Variants in LIMD1 observed in about 807,000 individuals in gnomAD.
LIMD1 encodes the protein LIM domain-containing protein 1.
Under a neutral mutation model 58.4 loss-of-function variants are expected in LIMD1, and 23 were observed. That is an observed-to-expected ratio of 0.39 (90% CI 0.28 to 0.56). LIMD1 has a LOEUF of 0.56. Ranked by LOEUF, LIMD1 falls within the 20% of genes least tolerant of loss-of-function variation. LIMD1 has a pLI of 0.57. For missense variants in LIMD1, 838 were observed against 855.5 expected, an observed-to-expected ratio of 0.98 and a Z score of 0.25; for synonymous variants, 334 against 345.5, an observed-to-expected ratio of 0.97 and a Z score of 0.37.
chr3:45,668,001 T>C (rs756316756), intron 3 of LIMD1, among the ~76,000 whole-genome samples: 1 of 152,174 alleles, frequency 6.6e-6, no homozygotes, highest in Non-Finnish European at 1.5e-5. Context: ...TGAGAACCAC[T>C]GAGATGGGAT....
At chr3:45,645,268 C>G (rs1701889300) in intron 2 of LIMD1, among the ~76,000 whole-genome samples, 1 of 152,226 alleles carries the variant, frequency 6.6e-6, no homozygotes, top group Non-Finnish European at 1.5e-5. Flanking sequence ...TGGGGCCAAA[C>G]CTGGTTTCCC....
intron 2 of LIMD1, among the ~76,000 whole-genome samples, chr3:45,662,102 T>C (rs1386638304): frequency 1.3e-5 from 2 of 152,230 alleles, no homozygotes; most frequent in Non-Finnish European, 2.9e-5. Flanking sequence ...TTTTATTTTA[T>C]AGTTATTGAT....
chr3:45,635,732 CAAAAA>C (rs71095045), intron 1 of LIMD1, among the ~76,000 whole-genome samples: 89 of 73,782 alleles, frequency 1.2e-3, no homozygotes, highest in East Asian at 2.2e-3. Context: ...ATCCCCGTCT[CAAAAA>C]AAAAAAAAAA....
intron 1 of LIMD1, among the ~76,000 whole-genome samples, chr3:45,609,672 G>A (rs1701504880): frequency 6.6e-6 from 1 of 152,326 alleles, no homozygotes; most frequent in African/African-American, 2.4e-5. Flanking sequence ...AGAAAAAGTA[G>A]TTCCAAGCCA....
At chr3:45,654,521 T>G (rs1702006041) in intron 2 of LIMD1, among the ~76,000 whole-genome samples, 2 of 152,160 alleles carry the variant, frequency 1.3e-5, no homozygotes, top group African/African-American at 4.8e-5. Flanking sequence ...GAGGATGGCT[T>G]GAAGGCAAAT....
At chr3:45,635,209 G>T (rs998566287) in intron 1 of LIMD1, among the ~76,000 whole-genome samples, 1 of 152,122 alleles carries the variant, frequency 6.6e-6, no homozygotes, top group Non-Finnish European at 1.5e-5. Context: ...CTGCACTCCA[G>T]CCCAGGTGAC....
intron 2 of LIMD1, among the ~76,000 whole-genome samples, chr3:45,663,052 C>T (rs545798725): frequency 2.6e-4 from 39 of 151,876 alleles, no homozygotes; most frequent in African/African-American, 8.5e-4. Context: ...TACACATATA[C>T]GATCATTGGT....
chr3:45,597,570 A>C (rs900142891), intron 1 of LIMD1, among the ~76,000 whole-genome samples: 1 of 152,204 alleles, frequency 6.6e-6, no homozygotes, highest in Non-Finnish European at 1.5e-5. Context: ...TAGTTGTCTC[A>C]TAAGAGAGCT....
chr3:45,630,147 A>T lies in LIMD1; in HGVS notation c.1409-6003A>T, dbSNP rs1407988086. ...AGCTTGGTTGTTACAGTAACATGTG[A>T]TGATATTTTTTCTTTCCTCTGTTGG... On this transcript the variant is annotated intron_variant, in intron 1 of 7. Transcript: ENST00000273317. Among the ~76,000 whole-genome samples, 3 of 96,650 alleles carry T rather than the reference A, an allele frequency of 3.1e-5. No homozygotes were observed. In the South Asian group the frequency reaches 1.1e-3, roughly 37 times the overall value. 63.4% of individuals were successfully genotyped at this position (96,650 alleles called of 152,430 possible).
chr3:45,676,252 A>G (rs1366212492), intron 7 of LIMD1, among the ~76,000 whole-genome samples: 1 of 152,182 alleles, frequency 6.6e-6, no homozygotes, highest in Non-Finnish European at 1.5e-5. Flanking sequence ...AAAAGAAAAA[A>G]AAATCCAAAT....
Position 45,594,761 on chromosome 3 carries a change from A to G in LIMD1, c.-119A>G. 1.2e-6 allele frequency: 1 copy of G among 841,894 alleles called. No individual in the cohort carries two copies. The highest frequency in any genetic ancestry group is 1.7e-5 in the South Asian group (1 of 58,524). The allele number at this position is 841,894 out of a possible 1,614,324, so 52.2% of individuals were successfully genotyped here. A position where few individuals can be genotyped will look rare whatever the true frequency, so the allele number is the denominator to read the frequency against. The stretch of plus-strand genomic sequence containing the variant: ...ACTTGAGCCCCGACCCTTCGCCAGC[A>G]TCTCCCCGCTGCCCTCAACACACAC... On this transcript the variant is annotated 5_prime_UTR_variant, in exon 1 of 8. Coordinates refer to ENST00000273317, the MANE Select transcript of LIMD1 (RefSeq NM_014240.3).
Position 45,595,179 on chromosome 3 carries a change from T to C in LIMD1, c.300T>C (p.Asp100=). The stretch of plus-strand genomic sequence containing the variant: ...TTGTGGGCAGCAAGCTGACTGTGGA[T>C]GGTGCTGCCAAGCCTCCTCTTGCTG... ...WEVVGSKLTV[D]GAAKPPLAAS... is the part of the protein sequence containing the mutation. Residue 100 remains aspartate, a synonymous_variant, in exon 1 of 8, where the codon GAT becomes GAC. Transcript: ENST00000273317. The C allele has an allele frequency of 6.2e-7, 1 of 1,604,334 alleles. No individual in the cohort carries two copies.
chr3:45,598,859 C>G (rs1046767998), intron 1 of LIMD1, among the ~76,000 whole-genome samples: 9 of 152,204 alleles, frequency 5.9e-5, no homozygotes, highest in African/African-American at 2.4e-5. Flanking sequence ...CCCTGTAGGC[C>G]TGGTCTGTGC....
At chr3:45,658,741 G>A (rs1275490111) in intron 2 of LIMD1, among the ~76,000 whole-genome samples, 2 of 151,592 alleles carry the variant, frequency 1.3e-5, no homozygotes, top group East Asian at 3.9e-4. Context: ...TTTTAGTAGA[G>A]AGGGGGCTTT....
At chr3:45,616,133 C>T (rs1159328621) in intron 1 of LIMD1, among the ~76,000 whole-genome samples, 1 of 152,154 alleles carries the variant, frequency 6.6e-6, no homozygotes, top group African/African-American at 2.4e-5. Context: ...ACCCCAGTTT[C>T]TGCCTTTATT....
At chr3:45,670,977 A>T (rs183598962) in intron 4 of LIMD1, among the ~76,000 whole-genome samples, 18 of 152,344 alleles carry the variant, frequency 1.2e-4, no homozygotes, top group Non-Finnish European at 2.4e-4. Context: ...AGCTAGTCAC[A>T]ATGCAGCAAA....
chr3:45,618,441 G>A (rs950427845), intron 1 of LIMD1, among the ~76,000 whole-genome samples: 1 of 152,130 alleles, frequency 6.6e-6, no homozygotes, highest in Non-Finnish European at 1.5e-5. Flanking sequence ...GTGGGGCAGG[G>A]AAGGAGAGAG....
At chr3:45,614,567 A>G (rs899413104) in intron 1 of LIMD1, among the ~76,000 whole-genome samples, 1 of 151,626 alleles carries the variant, frequency 6.6e-6, no homozygotes, top group African/African-American at 2.4e-5. Flanking sequence ...TACGAAAAAT[A>G]AAAAAATTAG....
At position 45,677,002 on chromosome 3, in the gene LIMD1, C is replaced by G. The variant is rs150275076; in HGVS notation, c.1974C>G (p.His658Gln). The part of the protein sequence containing the change: ...LEDHLFCHSC[H>Q]VKRLEKRPSS... ...ACCACCTGTTCTGTCACTCCTGCCA[C>G]GTGAAGAGGCTGGAGAAGAGACCCT... Residue 658 changes from histidine (H) to glutamine (Q), a missense_variant, in exon 8 of 8, where the codon CAC becomes CAG. This residue lies in a region of LIMD1 where 174 missense variants were observed against 197.4 expected (regional missense o/e 0.88). Coordinates refer to ENST00000273317, the MANE Select transcript of LIMD1 (RefSeq NM_014240.3). The G allele has an allele frequency of 6.2e-7, 1 of 1,614,032 alleles. No homozygotes were observed. Among genetic ancestry groups the G allele is most frequent in the African/African-American group, 1.3e-5 (1 of 74,934 alleles).
Sources: gnomAD v4.1 joint callset for allele counts (sites outside exome capture counted in the v4.1 genomes callset) on GRCh38, gnomAD v4.1.1 for gene constraint, gnomAD v4.1.1 regional missense constraint, MANE v1.5 for transcripts, NCBI Gene and HGNC (gene_info 2026-07-23, HGNC 2026-07-21) for gene names.